The following PCDH15 variants were observed in gnomAD, a reference collection of about 807,000 sequenced individuals.
PCDH15 encodes protocadherin-15.
In PCDH15, 129 loss-of-function variants were observed where a neutral mutation model predicts 178.5. The ratio of observed to expected loss-of-function variants is 0.72; its 90% CI spans 0.63 to 0.84. PCDH15 has a LOEUF of 0.84. PCDH15 is among the 40% of genes least tolerant of loss of function. PCDH15 has a pLI of 0.00. For missense variants in PCDH15, 2,230 were observed against 2,099.9 expected (o/e 1.06, Z -1.21); for synonymous variants, 800 against 732.0 (o/e 1.09, Z -1.50).
At chr10:55,575,701 A>G (rs1842483133) in intron 2 of PCDH15, 1 of 152,156 alleles carries the variant, frequency 6.6e-6, no homozygotes, top group African/African-American at 2.4e-5. Context: ...CCAAGATGCT[A>G]TTGTCATTTT....
chr10:54,363,410 A>G (rs915242075), intron 5 of PCDH15, among the ~76,000 whole-genome samples: 3 of 152,106 alleles, frequency 2.0e-5, no homozygotes, highest in African/African-American at 4.8e-5. Flanking sequence ...TAATACTACC[A>G]TTTTCGTTTT....
At chr10:55,508,113 T>A (rs1422910472) in intron 2 of PCDH15, among the ~76,000 whole-genome samples, 1 of 151,666 alleles carries the variant, frequency 6.6e-6, no homozygotes, top group Non-Finnish European at 1.5e-5. Flanking sequence ...GATTTTATTA[T>A]GACTTGGTGG....
At chr10:53,874,034 T>C (rs1397923717) in intron 26 of PCDH15, among the ~76,000 whole-genome samples, 1 of 152,194 alleles carries the variant, frequency 6.6e-6, no homozygotes, top group Non-Finnish European at 1.5e-5. Context: ...TATATAAGCT[T>C]CCAAGTCTAT....
chr10:53,946,032 TC>T (rs2134129385), intron 23 of PCDH15, among the ~76,000 whole-genome samples: 1 of 151,724 alleles, frequency 6.6e-6, no homozygotes, highest in East Asian at 1.9e-4. Context: ...AATAGATAGT[TC>T]CAAAAGAAGA....
intron 21 of PCDH15, among the ~76,000 whole-genome samples, chr10:53,991,847 C>A (rs1014431183): frequency 4.6e-5 from 7 of 151,874 alleles, no homozygotes; most frequent in African/African-American, 1.7e-4. Context: ...AATCAGCTCT[C>A]TGTAAAATGG....
At chr10:54,957,436 G>A (rs973279964) in intron 2 of PCDH15, among the ~76,000 whole-genome samples, 1 of 151,616 alleles carries the variant, frequency 6.6e-6, no homozygotes, top group East Asian at 1.9e-4. Context: ...AGTGTGTGTG[G>A]TAGGATAAAA....
At chr10:55,598,007 G>A (rs1257784067) in intron 2 of PCDH15, among the ~76,000 whole-genome samples, 2 of 152,056 alleles carry the variant, frequency 1.3e-5, no homozygotes, top group African/African-American at 2.4e-5. Context: ...TATCAAGCAC[G>A]CATAAACGCA....
intron 2 of PCDH15, among the ~76,000 whole-genome samples, chr10:54,973,791 A>T (rs1487399452): frequency 4.6e-5 from 7 of 152,158 alleles, no homozygotes; most frequent in Admixed American, 4.6e-4. Context: ...TCATGGAATA[A>T]ATAACCCAAA....
rs536950879 is a variant in PCDH15 at position 55,190,051 on chromosome 10, C to T, written c.-155-23400G>A. ...AAGAATGTGGGAAACAAATCATGGT[C>T]TCTCTAAACCTGCATGAAATGAAAG... On this transcript the variant is annotated intron_variant, in intron 1 of 5. Coordinates refer to the PCDH15 transcript ENST00000458638. Among the ~76,000 whole-genome samples, 4 of 151,866 alleles carry T rather than the reference C, an allele frequency of 2.6e-5. No individual in the cohort carries two copies. In the East Asian group the frequency reaches 7.7e-4, roughly 29 times the overall value.
chr10:55,585,613 T>G (rs1408598452), intron 2 of PCDH15, among the ~76,000 whole-genome samples: 3 of 151,978 alleles, frequency 2.0e-5, no homozygotes, highest in Admixed American at 1.3e-4. Context: ...GAGATGGAGG[T>G]TGCATTGAGC....
At chr10:54,851,463 G>T (rs1020797359) in intron 3 of PCDH15, among the ~76,000 whole-genome samples, 2 of 152,026 alleles carry the variant, frequency 1.3e-5, no homozygotes, top group African/African-American at 4.8e-5. Context: ...CATAAAAATA[G>T]AACTATGGAA....
At chr10:53,861,032 G>A (rs961493155) in intron 27 of PCDH15, among the ~76,000 whole-genome samples, 2 of 151,944 alleles carry the variant, frequency 1.3e-5, no homozygotes, top group African/African-American at 4.8e-5. Context: ...GGTTTATGTA[G>A]AACACACACA....
intron 2 of PCDH15, among the ~76,000 whole-genome samples, chr10:55,068,165 T>C (rs1480449397): frequency 1.3e-5 from 2 of 152,128 alleles, no homozygotes; most frequent in Admixed American, 6.6e-5. Flanking sequence ...CCTACTCTAA[T>C]GTCCTGAAGA....
At chr10:54,763,837 TTAAC>T (rs1276223833) in intron 1 of PCDH15, among the ~76,000 whole-genome samples, 2 of 149,720 alleles carry the variant, frequency 1.3e-5, no homozygotes, top group African/African-American at 2.4e-5. Flanking sequence ...CATGAATAGA[TTAAC>T]AAATAGAACA....
At chr10:54,539,571 T>C (rs532339497) in intron 2 of PCDH15, among the ~76,000 whole-genome samples, 1 of 152,248 alleles carries the variant, frequency 6.6e-6, no homozygotes, top group Admixed American at 6.5e-5. Context: ...GACAAATCAT[T>C]GAGTCAGAAA....
chr10:55,222,139 T>C (rs1840894807), intron 1 of PCDH15, among the ~76,000 whole-genome samples: 1 of 151,826 alleles, frequency 6.6e-6, no homozygotes, highest in African/African-American at 2.4e-5. Flanking sequence ...CCTCCCAAAG[T>C]GCTGGGATTA....
chr10:54,986,496 A>G (rs1174871083), intron 2 of PCDH15, among the ~76,000 whole-genome samples: 1 of 152,192 alleles, frequency 6.6e-6, no homozygotes, highest in Non-Finnish European at 1.5e-5. Context: ...CTGTATTTGA[A>G]TTATTTAGCA....
At chr10:54,918,170 C>G (rs533417654) in intron 2 of PCDH15, among the ~76,000 whole-genome samples, 1 of 151,984 alleles carries the variant, frequency 6.6e-6, no homozygotes, top group Non-Finnish European at 1.5e-5. Flanking sequence ...TATGACCATA[C>G]GCTTCTATTA....
rs150232294 is a variant in PCDH15 at position 53,817,332 on chromosome 10, A to G, written c.4452+663T>C. ...ATACTACTGGCCAGAATGCCCAGTAAGTTCTCTGCAGACAGAATCAAATGA... is the reference window on the plus strand; with the variant it reads ...ATACTACTGGCCAGAATGCCCAGTAGGTTCTCTGCAGACAGAATCAAATGA... On this transcript the variant is annotated intron_variant, in intron 34 of 37. Transcript: ENST00000644397. 5.5e-3 allele frequency among the ~76,000 whole-genome samples: 841 copies of G among 152,234 alleles called. 9 individuals are homozygous for G. The highest frequency in any genetic ancestry group is 0.019 in the African/African-American group (792 of 41,532).
Sources: gnomAD v4.1 joint callset for allele counts (sites outside exome capture counted in the v4.1 genomes callset) on GRCh38, gnomAD v4.1.1 for gene constraint, MANE v1.5 for transcripts, NCBI Gene and HGNC (gene_info 2026-07-23, HGNC 2026-07-21) for gene names.